SAMD8: variants seen among roughly 807,000 people sequenced by gnomAD.
SAMD8 encodes the protein sphingomyelin synthase-related protein 1.
In SAMD8, 20 loss-of-function variants were observed where a neutral mutation model predicts 42.0. That is an observed-to-expected ratio of 0.48 (90% confidence interval 0.34 to 0.69). The LOEUF (loss-of-function observed/expected upper bound fraction) is 0.69, where lower values mean the gene tolerates loss of function less well. Ranked by LOEUF, SAMD8 falls within the 30% of genes least tolerant of loss-of-function variation. The pLI, the probability that SAMD8 is intolerant of heterozygous loss-of-function variation, is 0.01. For missense variants in SAMD8, 328 were observed against 511.6 expected (o/e 0.64, Z 3.46); for synonymous variants, 162 against 173.0 (o/e 0.94, Z 0.50).
intron 2 of SAMD8, among the ~76,000 whole-genome samples, chr10:75,161,483 A>G (rs11001310): frequency 0.014 from 2,100 of 152,222 alleles, 51 homozygotes; most frequent in African/African-American, 0.048. Flanking sequence ...CATCTTTTTT[A>G]GTACTTTACT....
Position 75,176,254 on chromosome 10 carries a change from A to T in SAMD8, c.943+38A>T, listed in dbSNP as rs1004264942. On this transcript the variant is annotated intron_variant, in intron 5 of 5. Coordinates refer to ENST00000542569, the MANE Select transcript of SAMD8 (RefSeq NM_001174156.2). This position sits in a 1 kb window ranked among gnomAD's most constrained non-coding sequence, Gnocchi z 4.3. ...TTAGTGCTTCTATGCGTATTAGGTA[A>T]CTAGCTGCAGTGAAGGCTGTGGGAA... 1 of 1,614,084 alleles carries T rather than the reference A, an allele frequency of 6.2e-7. No individual in the cohort carries two copies. The highest frequency in any genetic ancestry group is 2.2e-5 in the East Asian group (1 of 44,888).
chr10:75,174,715 G>C (rs1840950633), intron 4 of SAMD8, among the ~76,000 whole-genome samples: 1 of 151,878 alleles, frequency 6.6e-6, no homozygotes, highest in South Asian at 2.1e-4. Context: ...TTATAGGCGT[G>C]AGCCACCGCA....
At chr10:75,119,226 C>A (rs191858938) in intron 1 of SAMD8, among the ~76,000 whole-genome samples, 426 of 151,906 alleles carry the variant, frequency 2.8e-3, no homozygotes, top group Non-Finnish European at 3.9e-3. Flanking sequence ...GGTGCGATCT[C>A]AGCTCGCTGC....
rs1370480357 is a variant in SAMD8 at position 75,140,881 on chromosome 10, C to G, written c.-15-9633C>G. On this transcript the variant is annotated intron_variant, in intron 1 of 5. Coordinates refer to ENST00000542569, the MANE Select transcript of SAMD8 (RefSeq NM_001174156.2). ...ACAGTATTGATTCTTCTGACCTACT[C>G]ATTTCTCATTTTTAGGTGTTCGTCT... 3.9e-5 allele frequency among the ~76,000 whole-genome samples: 6 copies of G among 152,288 alleles called. No homozygotes were observed. The East Asian group carries it at 9.6e-4, about 24-fold the overall frequency.
intron 4 of SAMD8, chr10:75,175,811 A>T: frequency 1.1e-6 from 1 of 886,864 alleles, no homozygotes; most frequent in Non-Finnish European, 1.4e-6. Flanking sequence ...AGCCTCCCAA[A>T]GTGCTGGGAT....
intron 4 of SAMD8, among the ~76,000 whole-genome samples, chr10:75,173,248 T>C (rs1840910727): frequency 6.6e-6 from 1 of 152,208 alleles, no homozygotes; most frequent in Non-Finnish European, 1.5e-5. Context: ...GTAATTGTTA[T>C]AAATAGAAAT....
intron 1 of SAMD8, among the ~76,000 whole-genome samples, chr10:75,100,900 G>A (rs1253778007): frequency 1.3e-5 from 2 of 152,248 alleles, no homozygotes; most frequent in Non-Finnish European, 2.9e-5. Flanking sequence ...AAGACATCGG[G>A]CAGAGGCACA....
chr10:75,172,236 G>C (rs1387029160), intron 4 of SAMD8, among the ~76,000 whole-genome samples: 2 of 151,982 alleles, frequency 1.3e-5, no homozygotes, highest in African/African-American at 2.4e-5. Context: ...TCTGTGCATG[G>C]TGTGCGCAGT....
In SAMD8 at chr10:75,179,589, A is replaced by C. The variant is rs1841046474; in HGVS notation, c.*2897A>C. 1 of 152,204 alleles carries C rather than the reference A, an allele frequency of 6.6e-6. No individual in the cohort carries two copies. Among genetic ancestry groups the C allele is most frequent in the African/African-American group, 2.4e-5 (1 of 41,462 alleles). 9.4% of individuals were successfully genotyped at this position (152,204 alleles called of 1,614,324 possible). ...TTAGGTATAACTTATTGTTTTAACT[A>C]TTATAAGGCAGTGTTTACATAAATT... On this transcript the variant is annotated 3_prime_UTR_variant, in exon 6 of 6. Transcript: ENST00000542569.
intron 1 of SAMD8, among the ~76,000 whole-genome samples, chr10:75,130,379 GC>G (rs1849247653): frequency 6.6e-6 from 1 of 152,112 alleles, no homozygotes; most frequent in Admixed American, 6.5e-5. Context: ...GGTGGCACAT[GC>G]CTGTAATCCC....
chr10:75,129,135 CTTA>C (rs1849216531), intron 1 of SAMD8, among the ~76,000 whole-genome samples: 1 of 122,470 alleles, frequency 8.2e-6, no homozygotes. Context: ...TCTTCTTCTT[CTTA>C]TTTTTTTTTT....
chr10:75,172,990 T>C (rs1386205803), intron 4 of SAMD8, among the ~76,000 whole-genome samples: 1 of 152,142 alleles, frequency 6.6e-6, no homozygotes, highest in African/African-American at 2.4e-5. Context: ...GAGAAAATTT[T>C]CCATAGCTAA....
chr10:75,130,540 A>C (rs1849252421), intron 1 of SAMD8, among the ~76,000 whole-genome samples: 1 of 152,030 alleles, frequency 6.6e-6, no homozygotes, highest in Non-Finnish European at 1.5e-5. Flanking sequence ...CATTCTTTAA[A>C]TCTCTGGTAG....
chr10:75,164,338 A>G (rs80019792), intron 2 of SAMD8: 286 of 166,392 alleles, frequency 1.7e-3, no homozygotes, highest in African/African-American at 6.6e-3. Context: ...GGGTAGTCCT[A>G]TATCCAGATC....
chr10:75,108,988 C>T, upstream of SAMD8: 2 of 1,588,888 alleles, frequency 1.3e-6, no homozygotes, highest in Non-Finnish European at 1.7e-6. Context: ...CCCCCATGCC[C>T]CTTGGCCAGC....
intron 2 of SAMD8, among the ~76,000 whole-genome samples, chr10:75,161,594 G>A (rs1017817793): frequency 2.6e-5 from 4 of 151,610 alleles, no homozygotes; most frequent in African/African-American, 7.3e-5. Context: ...AGGAGCAGAC[G>A]AACACTTAAA....
chr10:75,150,279 ATTTTTTT>A (rs34826271), intron 1 of SAMD8: 9 of 134,182 alleles, frequency 6.7e-5, no homozygotes, highest in South Asian at 2.5e-4. Flanking sequence ...CCAGGCTAAA[ATTTTTTT>A]TTTTTTTTTT....
chr10:75,106,096 CTTT>C, intron 1 of SAMD8, among the ~76,000 whole-genome samples: 1 of 109,040 alleles, frequency 9.2e-6, no homozygotes, highest in Non-Finnish European at 1.8e-5. Context: ...TCTTTTCTTT[CTTT>C]TCTTTTTTTT....
chr10:75,168,772 T>C, intron 4 of SAMD8, 114 bp downstream of exon 4: 1 of 660,526 alleles, frequency 1.5e-6, no homozygotes, highest in Admixed American at 2.6e-5. Context: ...GTATCTGCAA[T>C]GTCTATAAAA....
Sources: allele counts gnomAD v4.1 joint callset (sites outside exome capture counted in the v4.1 genomes callset), GRCh38; gene constraint gnomAD v4.1.1; non-coding constraint Gnocchi (gnomAD v3.1); transcripts MANE v1.5; gene names NCBI Gene and HGNC (gene_info 2026-07-23, HGNC 2026-07-21).